Variants in YPEL2 observed in about 807,000 individuals in gnomAD.
YPEL2 encodes yippee like 2.
Under a neutral mutation model 19.1 loss-of-function variants are expected in YPEL2, and 2 were observed. That is an observed-to-expected ratio of 0.10 (90% CI 0.04 to 0.33). The LOEUF is 0.33. Ranked by LOEUF, YPEL2 falls within the 10% of genes least tolerant of loss-of-function variation. YPEL2 has a pLI of 1.00. For synonymous variants in YPEL2, 52 were observed against 50.0 expected, an observed-to-expected ratio of 1.04 and a Z score of -0.17; for missense variants, 66 against 140.7, an observed-to-expected ratio of 0.47 and a Z score of 2.68.
At chr17:59,374,036 G>A (rs2047908892) in intron 2 of YPEL2, among the ~76,000 whole-genome samples, 1 of 152,148 alleles carries the variant, frequency 6.6e-6, no homozygotes, top group Admixed American at 6.6e-5. Context: ...TTGAGAATAT[G>A]GACTCACAGA....
At chr17:59,342,547 C>T (rs1238544271) in intron 1 of YPEL2, among the ~76,000 whole-genome samples, 1 of 152,170 alleles carries the variant, frequency 6.6e-6, no homozygotes, top group African/African-American at 2.4e-5. Flanking sequence ...TTAAGTATAG[C>T]CCTGTCTGGG....
intron 1 of YPEL2, among the ~76,000 whole-genome samples, chr17:59,352,280 T>G (rs1598031494): frequency 6.6e-6 from 1 of 152,182 alleles, no homozygotes; most frequent in Non-Finnish European, 1.5e-5. Context: ...CTTAGGCAGG[T>G]GAGCCACAGA....
intron 1 of YPEL2, among the ~76,000 whole-genome samples, chr17:59,350,386 G>A (rs1464845216): frequency 1.3e-5 from 2 of 152,162 alleles, no homozygotes; most frequent in Admixed American, 6.6e-5. Context: ...CTTAGGAAAG[G>A]AGTCCCTCTC....
At chr17:59,333,955 A>AC (rs1158431106) in intron 1 of YPEL2, among the ~76,000 whole-genome samples, 1 of 152,046 alleles carries the variant, frequency 6.6e-6, no homozygotes, top group Non-Finnish European at 1.5e-5. Flanking sequence ...CAGGTATGTG[A>AC]CCCCATACTC....
chr17:59,380,804 C>T (rs1390580089), intron 2 of YPEL2, among the ~76,000 whole-genome samples: 6 of 152,268 alleles, frequency 3.9e-5, no homozygotes, highest in Middle Eastern at 3.4e-3. Context: ...GCTTTAAAAG[C>T]GGTGGATTCA....
chr17:59,367,831 G>C (rs1056831576), intron 2 of YPEL2, among the ~76,000 whole-genome samples: 1 of 152,134 alleles, frequency 6.6e-6, no homozygotes, highest in Non-Finnish European at 1.5e-5. Flanking sequence ...AGCCAGATAG[G>C]GCACATAGTT....
intron 1 of YPEL2, among the ~76,000 whole-genome samples, chr17:59,339,758 C>G (rs1181446669): frequency 6.6e-6 from 1 of 152,066 alleles, no homozygotes; most frequent in African/African-American, 2.4e-5. Context: ...GCAAATTGTT[C>G]CTTTTTCTGT....
chr17:59,333,158 G>T (rs532019291), intron 1 of YPEL2, among the ~76,000 whole-genome samples: 2 of 152,340 alleles, frequency 1.3e-5, no homozygotes, highest in African/African-American at 4.8e-5. Context: ...CTTGCCTCCG[G>T]TGAGGAACAT....
At position 59,382,322 on chromosome 17, in the gene YPEL2, C is replaced by T. The variant is rs146699827; in HGVS notation, c.118-6005C>T. ...ACAGGCCTGGAAGAAGCCATGGGCC[C>T]TTGGAGGTGCCTTAGGGCCTGGCTG... On this transcript the variant is annotated intron_variant, in intron 2 of 4. Transcript: ENST00000312655. 3.7e-3 allele frequency among the ~76,000 whole-genome samples: 565 copies of T among 152,348 alleles called. 1 individual carries two copies. Among genetic ancestry groups the T allele is most frequent in the Non-Finnish European group, 6.2e-3 (419 of 68,038 alleles).
At chr17:59,388,169 G>A (rs1226581128) in intron 2 of YPEL2, among the ~76,000 whole-genome samples, 158 bp from the exon 3 acceptor site, 2 of 152,030 alleles carry the variant, frequency 1.3e-5, no homozygotes, top group African/African-American at 4.8e-5. Context: ...CCTCTTCTCC[G>A]CCCCCACACC....
chr17:59,395,914 T>G (rs963037401), intron 4 of YPEL2, among the ~76,000 whole-genome samples: 67 of 152,122 alleles, frequency 4.4e-4, no homozygotes, highest in African/African-American at 1.6e-3. Flanking sequence ...CCGTCTCTAC[T>G]GAAAATACAA....
rs1228953330 is a variant in YPEL2 at position 59,399,768 on chromosome 17, T to C, written c.*2578T>C. 1 of 152,674 alleles carries C rather than the reference T, an allele frequency of 6.5e-6. No homozygotes were observed. Among genetic ancestry groups the C allele is most frequent in the Admixed American group, 6.5e-5 (1 of 15,276 alleles). The allele number at this position is 152,674 out of a possible 1,614,324, so 9.5% of individuals were successfully genotyped here. A position where few individuals can be genotyped will look rare whatever the true frequency, so the allele number is the denominator to read the frequency against. On this transcript the variant is annotated 3_prime_UTR_variant, in exon 5 of 5. Coordinates refer to ENST00000312655, the MANE Select transcript of YPEL2 (RefSeq NM_001005404.4). ...GGCCACAGCTGAGCTATGGAGATGCTAAATTAACTCATGGCCTCAGTCAGT... is the reference window on the plus strand; with the variant it reads ...GGCCACAGCTGAGCTATGGAGATGCCAAATTAACTCATGGCCTCAGTCAGT...
Position 59,397,534 on chromosome 17 carries a change from T to C in YPEL2, c.*344T>C. Reference sequence around the variant, plus strand: ...GCGAGAGCTGCCTGATGGCCTCTTGTCAGGAGAGCAGTGGCACGGGGGCGT... The same window carrying C: ...GCGAGAGCTGCCTGATGGCCTCTTGCCAGGAGAGCAGTGGCACGGGGGCGT... On this transcript the variant is annotated 3_prime_UTR_variant, in exon 5 of 5. Coordinates refer to ENST00000312655, the MANE Select transcript of YPEL2 (RefSeq NM_001005404.4). 5.4e-6 allele frequency: 1 copy of C among 185,954 alleles called. No individual in the cohort carries two copies. Among genetic ancestry groups the C allele is most frequent in the Non-Finnish European group, 1.1e-5 (1 of 90,546 alleles). The allele number at this position is 185,954 out of a possible 1,614,324, so 11.5% of individuals were successfully genotyped here.
intron 2 of YPEL2, among the ~76,000 whole-genome samples, chr17:59,380,835 G>A (rs1016792510): frequency 6.6e-6 from 1 of 152,234 alleles, no homozygotes; most frequent in Admixed American, 6.5e-5. Context: ...TAACTGGAAA[G>A]TATCATTGGG....
At chr17:59,390,431 A>G (rs1458691204) in intron 4 of YPEL2, among the ~76,000 whole-genome samples, 1 of 152,170 alleles carries the variant, frequency 6.6e-6, no homozygotes, top group Non-Finnish European at 1.5e-5. Context: ...CGTGAGCCAC[A>G]CTGTTGCCTG....
rs148305780 is a variant in YPEL2, at chr17:59,339,365, G to A, written c.-196+7541G>A. 3.3e-5 allele frequency among the ~76,000 whole-genome samples: 5 copies of A among 152,276 alleles called. No homozygotes were observed. In the East Asian group the frequency reaches 7.7e-4, roughly 23 times the overall value. On this transcript the variant is annotated intron_variant, in intron 1 of 4. Transcript: ENST00000312655. Reference sequence around the variant, plus strand: ...GGAAAAGTTATCCCCACACTTAACTGCAGCCTTAAAGCTAAGTGCTTCATT... The same window carrying A: ...GGAAAAGTTATCCCCACACTTAACTACAGCCTTAAAGCTAAGTGCTTCATT...
chr17:59,401,202 G>A lies in YPEL2; in HGVS notation c.*4012G>A, dbSNP rs1055539238. On this transcript the variant is annotated 3_prime_UTR_variant, in exon 5 of 5. Transcript: ENST00000312655. ...TCAGATTGCCTCAGGTTTAGAAAGA[G>A]GCTGAGAAATCAAATCTTGAACACA... 9 of 151,872 alleles carry A rather than the reference G, an allele frequency of 5.9e-5. No individual in the cohort carries two copies. The highest frequency in any genetic ancestry group is 1.3e-4 in the Non-Finnish European group (9 of 67,980). 9.4% of individuals were successfully genotyped at this position (151,872 alleles called of 1,614,324 possible).
At chr17:59,332,874 G>A (rs2047678987) in intron 1 of YPEL2, among the ~76,000 whole-genome samples, 1 of 152,168 alleles carries the variant, frequency 6.6e-6, no homozygotes, top group South Asian at 2.1e-4. Context: ...TGCAACTTGG[G>A]AGGCTCTTGA....
intron 2 of YPEL2, among the ~76,000 whole-genome samples, chr17:59,365,636 G>A (rs1157579839): frequency 2.0e-5 from 3 of 152,204 alleles, no homozygotes; most frequent in Admixed American, 2.0e-4. Context: ...AAAACCAAAA[G>A]AGAATCTCTG....
Sources: allele counts gnomAD v4.1 joint callset (sites outside exome capture counted in the v4.1 genomes callset), GRCh38; gene constraint gnomAD v4.1.1; transcripts MANE v1.5; gene names NCBI Gene and HGNC (gene_info 2026-07-23, HGNC 2026-07-21).